ABR: variants seen among roughly 807,000 people sequenced by gnomAD.
ABR encodes the protein active breakpoint cluster region-related protein.
In ABR, 35 loss-of-function variants were observed where a neutral mutation model predicts 107.2. That is an observed-to-expected ratio of 0.33 (90% CI 0.25 to 0.43). The LOEUF (loss-of-function observed/expected upper bound fraction) is 0.43. Among genes scored for constraint, ABR ranks in the 20% least tolerant of loss-of-function variants. The pLI, the probability that ABR is intolerant of heterozygous loss-of-function variation, is 1.00. For missense variants in ABR, 815 were observed against 1,115.2 expected (o/e 0.73, Z 3.83); for synonymous variants, 498 against 462.0 (o/e 1.08, Z -1.00).
chr17:1,091,586 G>A, intron 4 of ABR, 79 bp downstream of exon 4: 1 of 1,505,730 alleles, frequency 6.6e-7, no homozygotes. Context: ...GGGCTGCCCG[G>A]TCCTCTCCTG....
intron 1 of ABR, among the ~76,000 whole-genome samples, chr17:1,167,617 G>C (rs369506130): frequency 3.3e-5 from 5 of 152,330 alleles, no homozygotes; most frequent in East Asian, 3.9e-4. Flanking sequence ...GAGGCGTCAA[G>C]ACAGATGTGT....
At chr17:1,101,660 G>C (rs1195616677) in intron 2 of ABR, among the ~76,000 whole-genome samples, 1 of 151,958 alleles carries the variant, frequency 6.6e-6, no homozygotes, top group Non-Finnish European at 1.5e-5. Context: ...AGGCCCTATA[G>C]ATACCATGGG....
At chr17:1,057,532 C>T (rs2033454463) in intron 12 of ABR, among the ~76,000 whole-genome samples, 1 of 151,978 alleles carries the variant, frequency 6.6e-6, no homozygotes, top group African/African-American at 2.4e-5. Context: ...TGCCCACCAC[C>T]ACACCTGGCT....
chr17:1,058,936 G>T (rs752282599), intron 10 of ABR, 69 bp from the exon 11 acceptor site: 27 of 1,584,984 alleles, frequency 1.7e-5, no homozygotes, highest in Non-Finnish European at 2.0e-5. Context: ...CACTAAGCAC[G>T]ACACTCCACT....
rs867506144 is a variant in ABR at position 1,101,764 on chromosome 17, C to T, written c.247-1029G>A. On this transcript the variant is annotated intron_variant, in intron 2 of 22. Transcript: ENST00000302538. ...TTTTTTTTTTTTAGAGACGGAGTCT[C>T]GCTCTGTCGCCCAGGCTAGAGTGCA... Among the ~76,000 whole-genome samples, 479 of 150,372 alleles carry T rather than the reference C, an allele frequency of 3.2e-3. 2 individuals carry two copies. The highest frequency in any genetic ancestry group is 0.011 in the African/African-American group (443 of 40,862).
chr17:1,007,296 G>T lies in ABR; in HGVS notation c.2359C>A (p.Pro787Thr), dbSNP rs919753148. ...EHLKRVAEKE[P>T]INKMSLHNLA... Reference sequence around the variant, plus strand: ...TTGTGAAGTGACATTTTGTTGATGGGCTCCTTCTCGGCAACCCTAAGAAGG... The same window carrying T: ...TTGTGAAGTGACATTTTGTTGATGGTCTCCTTCTCGGCAACCCTAAGAAGG... Residue 787 changes from proline (P) to threonine (T), a missense_variant, in exon 22 of 23, where the codon CCC becomes ACC. Physicochemically the swap from Pro to Thr is conservative, Grantham distance 38 (BLOSUM62 -1). Around this residue, in one of 5 missense-constraint regions of ABR, gnomAD observed 175 missense variants for 284.3 expected, o/e 0.62. Coordinates refer to ENST00000302538, the MANE Select transcript of ABR (RefSeq NM_021962.5). The T allele has an allele frequency of 6.2e-7, 1 of 1,614,124 alleles. No individual in the cohort carries two copies. The highest frequency in any genetic ancestry group is 8.5e-7 in the Non-Finnish European group (1 of 1,179,984).
intron 1 of ABR, among the ~76,000 whole-genome samples, chr17:1,195,103 C>G (rs1237381220): frequency 3.5e-5 from 5 of 141,936 alleles, no homozygotes; most frequent in African/African-American, 1.0e-4. Context: ...GTCAGGAGAT[C>G]GAGACCATCC....
At chr17:1,095,767 C>A (rs1444025820) in intron 3 of ABR, among the ~76,000 whole-genome samples, 1 of 152,188 alleles carries the variant, frequency 6.6e-6, no homozygotes, top group Non-Finnish European at 1.5e-5. Flanking sequence ...TCAGCTCTGT[C>A]CCCCAGCGAC....
intron 1 of ABR, among the ~76,000 whole-genome samples, chr17:1,144,539 C>G (rs942281900): frequency 7.3e-5 from 11 of 151,410 alleles, no homozygotes; most frequent in African/African-American, 2.4e-4. Flanking sequence ...ACAAGAGATA[C>G]CAGATAAAAA....
chr17:1,172,614 T>C (rs1313025003), intron 1 of ABR, among the ~76,000 whole-genome samples: 2 of 152,010 alleles, frequency 1.3e-5, no homozygotes, highest in Non-Finnish European at 2.9e-5. Context: ...CTGGGTGTGG[T>C]GGCACATGCC....
intron 1 of ABR, among the ~76,000 whole-genome samples, chr17:1,176,912 C>T (rs1027740988): frequency 3.3e-5 from 5 of 151,940 alleles, no homozygotes; most frequent in African/African-American, 1.2e-4. Context: ...AGTGACTATC[C>T]CAGTGCCTGC....
rs7218427 is a variant in ABR, at chr17:1,027,762, A to T, written c.1792-14598T>A. Reference sequence around the variant, plus strand: ...GGTCGCTATGGGGGTGTGTGTGAACAGAGAAGACGCACGATGAAGCTTTCT... The same window carrying T: ...GGTCGCTATGGGGGTGTGTGTGAACTGAGAAGACGCACGATGAAGCTTTCT... On this transcript the variant is annotated intron_variant, in intron 16 of 22. Transcript: ENST00000302538. This position sits in a 1 kb window ranked among gnomAD's most constrained non-coding sequence, Gnocchi z 4.7. Among the ~76,000 whole-genome samples, 4 of 151,700 alleles carry T rather than the reference A, an allele frequency of 2.6e-5. No individual in the cohort carries two copies. Among genetic ancestry groups the T allele is most frequent in the South Asian group, 2.1e-4 (1 of 4,764 alleles).
upstream of ABR, chr17:1,182,123 GGA>G (rs1258681206): frequency 6.6e-6 from 1 of 152,120 alleles, no homozygotes; most frequent in Non-Finnish European, 1.5e-5. Context: ...GAGGGTAGAG[GGA>G]GAGACAAATC....
intron 18 of ABR, chr17:1,012,372 G>A (rs1462533265): frequency 6.1e-6 from 4 of 655,762 alleles, no homozygotes; most frequent in Non-Finnish European, 8.4e-6. Context: ...TTTCCCGAGG[G>A]GCCGCCAGTC....
chr17:1,048,975 G>A (rs750069038), intron 16 of ABR, among the ~76,000 whole-genome samples: 5 of 152,176 alleles, frequency 3.3e-5, no homozygotes, highest in Non-Finnish European at 5.9e-5. Context: ...GAGGCCACAC[G>A]AGGTACCAGA....
intron 1 of ABR, among the ~76,000 whole-genome samples, chr17:1,206,962 G>A (rs1430883986): frequency 6.6e-6 from 1 of 152,128 alleles, no homozygotes; most frequent in African/African-American, 2.4e-5. Flanking sequence ...GCATGCGCCT[G>A]TAATCCCAGC....
At chr17:1,080,698 T>A (rs1486114124) in intron 5 of ABR, among the ~76,000 whole-genome samples, 1 of 141,310 alleles carries the variant, frequency 7.1e-6, no homozygotes, top group African/African-American at 2.6e-5. Context: ...TACTTCTGTC[T>A]CAAGCTGTTT....
At chr17:1,113,443 G>A (rs2038830970) in intron 2 of ABR, among the ~76,000 whole-genome samples, 1 of 151,780 alleles carries the variant, frequency 6.6e-6, no homozygotes, top group East Asian at 1.9e-4. Flanking sequence ...CCCGCCACCA[G>A]GCCCGGCTAA....
At chr17:1,062,051 G>C (rs1472740140) in intron 10 of ABR, among the ~76,000 whole-genome samples, 2 of 152,198 alleles carry the variant, frequency 1.3e-5, no homozygotes, top group African/African-American at 4.8e-5. Context: ...GTGGGCGTGG[G>C]TGTCAGAGAA....
Sources: gnomAD v4.1 joint callset for allele counts (sites outside exome capture counted in the v4.1 genomes callset) on GRCh38, gnomAD v4.1.1 for gene constraint, gnomAD v4.1.1 regional missense constraint, Gnocchi (gnomAD v3.1) non-coding constraint, MANE v1.5 for transcripts, NCBI Gene and HGNC (gene_info 2026-07-23, HGNC 2026-07-21) for gene names.